Variants in SLC25A13 observed in about 807,000 individuals in gnomAD.
The protein encoded by SLC25A13 is solute carrier family 25 member 13, also known as electrogenic aspartate/glutamate antiporter SLC25A13, mitochondrial.
In SLC25A13, 70 loss-of-function variants were observed where a neutral mutation model predicts 85.5. The ratio of observed to expected loss-of-function variants is 0.82; its 90% confidence interval spans 0.68 to 1.00. SLC25A13 has a LOEUF of 1.00. Ranked by LOEUF, SLC25A13 falls within the 50% of genes least tolerant of loss-of-function variation. The probability of loss-of-function intolerance (pLI) is 0.00; values close to 1 mark genes in which losing one functional copy is unlikely to be tolerated. For missense variants in SLC25A13, 765 were observed against 819.8 expected (o/e 0.93, Z 0.82); for synonymous variants, 259 against 288.7 (o/e 0.90, Z 1.04).
At chr7:96,158,292 TGAGAATATTCAGAGA>T in intron 13 of SLC25A13, among the ~76,000 whole-genome samples, 1 of 152,316 alleles carries the variant, frequency 6.6e-6, no homozygotes, top group Middle Eastern at 3.4e-3. Context: ...TCAACAGTCT[TGAGAATATTCAGAGA>T]CTATTAATAG....
chr7:96,141,018 T>TG (rs1366319691), intron 14 of SLC25A13, among the ~76,000 whole-genome samples: 3 of 135,188 alleles, frequency 2.2e-5, no homozygotes, highest in Non-Finnish European at 4.7e-5. Flanking sequence ...CTTTTTTCTT[T>TG]CTTTTTTTTT....
chr7:96,131,059 G>A (rs186434191), intron 15 of SLC25A13, among the ~76,000 whole-genome samples: 1 of 152,210 alleles, frequency 6.6e-6, no homozygotes, highest in East Asian at 1.9e-4. Context: ...ACCGCCTTAG[G>A]GTTTGTTAAC....
intron 1 of SLC25A13, among the ~76,000 whole-genome samples, chr7:96,306,546 G>A (rs1357139835): frequency 1.3e-5 from 2 of 151,918 alleles, no homozygotes; most frequent in African/African-American, 2.4e-5. Flanking sequence ...GTTCTCCTAC[G>A]ATGGGAGTAC....
chr7:96,192,234 G>A (rs1468568540), intron 6 of SLC25A13, among the ~76,000 whole-genome samples: 1 of 152,118 alleles, frequency 6.6e-6, no homozygotes, highest in South Asian at 2.1e-4. Context: ...AGCACTGTGG[G>A]AAACCCAGAT....
At chr7:96,301,918 A>G (rs1428874182) in intron 1 of SLC25A13, among the ~76,000 whole-genome samples, 1 of 152,162 alleles carries the variant, frequency 6.6e-6, no homozygotes, top group Non-Finnish European at 1.5e-5. Context: ...ATGAGCCACC[A>G]TGCCTGGCCC....
rs1794539509 is a variant in SLC25A13, at chr7:96,184,342, T to C, written c.1112A>G (p.Tyr371Cys). The C allele has an allele frequency of 6.2e-7, 1 of 1,614,076 alleles. No homozygotes were observed. Among genetic ancestry groups the C allele is most frequent in the Non-Finnish European group, 8.5e-7 (1 of 1,180,028 alleles). ...STGSFVGELMYKNSFDCFKKV... is the reference protein window; with the variant it reads ...STGSFVGELMCKNSFDCFKKV... ...CTTAAAACAGTCAAAGCTGTTTTTA[T>C]ACATGAGTTCTCCCACAAAAGAGCC... is the stretch of plus-strand genomic sequence containing the variant. Residue 371 changes from tyrosine to cysteine, a missense_variant, in exon 11 of 18, where the codon TAT becomes TGT. Tyr to Cys is a radical substitution (Grantham distance 194, BLOSUM62 -2). Transcript: ENST00000265631.
chr7:96,306,037 C>T (rs1405224547), intron 1 of SLC25A13, among the ~76,000 whole-genome samples: 2 of 152,184 alleles, frequency 1.3e-5, no homozygotes, highest in Non-Finnish European at 2.9e-5. Context: ...CAAACATTAG[C>T]TTACTGACAC....
chr7:96,210,215 G>C (rs771957540), intron 4 of SLC25A13, among the ~76,000 whole-genome samples: 2 of 152,054 alleles, frequency 1.3e-5, no homozygotes, highest in Non-Finnish European at 2.9e-5. Context: ...GATTATGCTG[G>C]GCATAAATTT....
At chr7:96,306,222 G>A (rs1485076043) in intron 1 of SLC25A13, among the ~76,000 whole-genome samples, 1 of 152,234 alleles carries the variant, frequency 6.6e-6, no homozygotes, top group Non-Finnish European at 1.5e-5. Context: ...CAGAGGAAAA[G>A]AAAGCACAGT....
At chr7:96,182,647 C>A (rs1794463311) in intron 11 of SLC25A13, among the ~76,000 whole-genome samples, 1 of 152,152 alleles carries the variant, frequency 6.6e-6, no homozygotes. Context: ...GCACTCAGTA[C>A]TCAGGCACAC....
chr7:96,164,274 T>C (rs1381303225), intron 13 of SLC25A13, among the ~76,000 whole-genome samples: 2 of 152,196 alleles, frequency 1.3e-5, no homozygotes, highest in Admixed American at 6.5e-5. Context: ...AGATATGCCA[T>C]GTGGAGAACC....
intron 2 of SLC25A13, among the ~76,000 whole-genome samples, chr7:96,288,681 C>T (rs1020196598): frequency 1.3e-5 from 2 of 152,194 alleles, no homozygotes; most frequent in Non-Finnish European, 2.9e-5. Flanking sequence ...GCTAGCAAAG[C>T]AGTCTGAGAT....
intron 13 of SLC25A13, among the ~76,000 whole-genome samples, chr7:96,149,476 CA>C (rs1013086136): frequency 2.6e-5 from 4 of 152,154 alleles, no homozygotes; most frequent in Non-Finnish European, 4.4e-5. Flanking sequence ...TCTTTTAAAG[CA>C]GAGTTAGTTA....
rs572812214 is a variant in SLC25A13 at position 96,307,148 on chromosome 7, A to AT, written c.16-10198_16-10197insA. 1.5e-4 allele frequency among the ~76,000 whole-genome samples: 23 copies of AT among 151,808 alleles called. No individual in the cohort carries two copies. The East Asian group carries it at 3.1e-3, about 20-fold the overall frequency. ...AAGGTAGCTTTGTAATTTAAAAAAAAAAATAAAGAAAATTAAGACACATCA... is the reference window on the plus strand; with the variant it reads ...AAGGTAGCTTTGTAATTTAAAAAAAATAAATAAAGAAAATTAAGACACATCA... On this transcript the variant is annotated intron_variant, in intron 1 of 17. Transcript: ENST00000265631.
In SLC25A13 at chr7:96,146,570, A is replaced by G. The variant is rs759905821; in HGVS notation, c.1438T>C (p.Phe480Leu). 11 of 1,613,760 alleles carry G rather than the reference A, an allele frequency of 6.8e-6. No individual in the cohort carries two copies. The Admixed American group carries it at 1.5e-4, about 22-fold the overall frequency. ...ALSVVRDLGF[F>L]GIYKGAKACF... is the part of the protein sequence containing the mutation. Reference sequence around the variant, plus strand: ...AAAAAAGTTACCTTGTAGATCCCAAAAAACCCCAGGTCCCGCACGACAGAC... The same window carrying G: ...AAAAAAGTTACCTTGTAGATCCCAAGAAACCCCAGGTCCCGCACGACAGAC... Residue 480 changes from phenylalanine to leucine, a missense_variant, in exon 14 of 18, where the codon TTT (phenylalanine) becomes CTT (leucine). Coordinates refer to ENST00000265631, the MANE Select transcript of SLC25A13 (RefSeq NM_014251.3).
chr7:96,190,634 T>C (rs1055817019), intron 7 of SLC25A13, among the ~76,000 whole-genome samples: 1 of 151,592 alleles, frequency 6.6e-6, no homozygotes, highest in Non-Finnish European at 1.5e-5. Context: ...ATTTTTGAGA[T>C]GGCATTTTGC....
At chr7:96,319,898 C>T (rs1038817447) in intron 1 of SLC25A13, among the ~76,000 whole-genome samples, 1 of 152,190 alleles carries the variant, frequency 6.6e-6, no homozygotes, top group South Asian at 2.1e-4. Flanking sequence ...TGACTCAATA[C>T]TTAGCTAAAA....
intron 4 of SLC25A13, among the ~76,000 whole-genome samples, chr7:96,215,117 C>G (rs1463608638): frequency 1.3e-5 from 2 of 152,060 alleles, no homozygotes; most frequent in Non-Finnish European, 2.9e-5. Flanking sequence ...AAAAGAAGAA[C>G]AGATGGAGTC....
chr7:96,256,343 C>T (rs556135096), intron 3 of SLC25A13, among the ~76,000 whole-genome samples: 10 of 152,164 alleles, frequency 6.6e-5, no homozygotes, highest in African/African-American at 2.4e-4. Context: ...TGCAAAGACA[C>T]ACAGGCTCAA....
Sources: gnomAD v4.1 joint callset for allele counts (sites outside exome capture counted in the v4.1 genomes callset) on GRCh38, gnomAD v4.1.1 for gene constraint, MANE v1.5 for transcripts, NCBI Gene and HGNC (gene_info 2026-07-23, HGNC 2026-07-21) for gene names.